Variants in BMPR2 observed in about 807,000 individuals in gnomAD.
BMPR2 encodes bone morphogenetic protein receptor type 2.
Under a neutral mutation model 100.8 loss-of-function variants are expected in BMPR2, and 29 were observed. That is an observed-to-expected ratio of 0.29 (90% confidence interval 0.21 to 0.39). The LOEUF is 0.39. BMPR2 is among the 10% of genes least tolerant of loss of function. BMPR2 has a pLI of 1.00. For missense variants in BMPR2, 1,011 were observed against 1,274.5 expected, an observed-to-expected ratio of 0.79 and a Z score of 3.15; for synonymous variants, 382 against 442.3, an observed-to-expected ratio of 0.86 and a Z score of 1.71.
chr2:202,437,683 A>G (rs1026409365), intron 1 of BMPR2, among the ~76,000 whole-genome samples: 1 of 150,586 alleles, frequency 6.6e-6, no homozygotes, highest in Admixed American at 6.6e-5. Context: ...TGCCTGTTCT[A>G]GACATATCCT....
intron 1 of BMPR2, among the ~76,000 whole-genome samples, chr2:202,454,580 T>C (rs1455182508): frequency 1.3e-5 from 2 of 152,188 alleles, no homozygotes; most frequent in African/African-American, 4.8e-5. Context: ...ACTTGTTACG[T>C]TATTGAGCAC....
chr2:202,378,879 A>G (rs976187017), intron 1 of BMPR2, among the ~76,000 whole-genome samples: 4 of 152,218 alleles, frequency 2.6e-5, no homozygotes, highest in Non-Finnish European at 5.9e-5. Flanking sequence ...TAAACGTTCC[A>G]TGAGCAGAAA....
At chr2:202,496,140 T>C (rs1033303963) in intron 3 of BMPR2, among the ~76,000 whole-genome samples, 2 of 152,214 alleles carry the variant, frequency 1.3e-5, no homozygotes, top group Non-Finnish European at 2.9e-5. Flanking sequence ...AATTTACTTA[T>C]TTTCCAAAAA....
chr2:202,464,770 A>T, intron 1 of BMPR2, 39 bp from the exon 2 acceptor site: 1 of 1,569,160 alleles, frequency 6.4e-7, no homozygotes, highest in South Asian at 1.2e-5. Flanking sequence ...TTTTGAAAAC[A>T]TTAAATAATT....
chr2:202,434,908 A>AAAAAAAAATATAAATATATATAT (rs1559037398), intron 1 of BMPR2, among the ~76,000 whole-genome samples: 1 of 38,414 alleles, frequency 2.6e-5, no homozygotes, highest in Non-Finnish European at 4.4e-5. Context: ...AAAAAAAAAA[A>AAAAAAAAATATAAATATATATAT]ATATATATAT....
At chr2:202,395,379 A>G (rs1406082956) in intron 1 of BMPR2, among the ~76,000 whole-genome samples, 4 of 152,208 alleles carry the variant, frequency 2.6e-5, no homozygotes, top group Non-Finnish European at 5.9e-5. Flanking sequence ...AAAGATTACT[A>G]TTCTTGATCA....
In BMPR2 at chr2:202,556,301, A is replaced by G. The variant is rs1688570489; in HGVS notation, c.2636A>G (p.His879Arg). 1 of 1,614,126 alleles carries G rather than the reference A, an allele frequency of 6.2e-7. No homozygotes were observed. The highest frequency in any genetic ancestry group is 8.5e-7 in the Non-Finnish European group (1 of 1,180,046). The stretch of plus-strand genomic sequence containing the variant: ...CTGAGACGAGAGCAACAAGCTGGCC[A>G]TGATGAAGGTGTTCTGGATCGTCTT... Reference protein sequence around the residue: ...PLLRREQQAGHDEGVLDRLVD... With the variant: ...PLLRREQQAGRDEGVLDRLVD... The change falls in exon 12 of 13, where the codon CAT becomes CGT. Residue 879 changes from histidine to arginine, a missense_variant. Physicochemically the swap from His to Arg is conservative, Grantham distance 29. Around this residue, in one of 6 missense-constraint regions of BMPR2, gnomAD observed 508 missense variants for 552.0 expected, o/e 0.92. Coordinates refer to ENST00000374580, the MANE Select transcript of BMPR2 (RefSeq NM_001204.7).
At chr2:202,388,614 C>G (rs919263090) in intron 1 of BMPR2, among the ~76,000 whole-genome samples, 1 of 151,528 alleles carries the variant, frequency 6.6e-6, no homozygotes, top group African/African-American at 2.4e-5. Context: ...GAAACCCCGT[C>G]TCTACAACAA....
At chr2:202,498,262 A>C (rs1241835887) in intron 3 of BMPR2, among the ~76,000 whole-genome samples, 1 of 152,190 alleles carries the variant, frequency 6.6e-6, no homozygotes, top group African/African-American at 2.4e-5. Context: ...GAGGACAGGC[A>C]AGGGTGCAGG....
At chr2:202,543,431 AT>A (rs1364773134) in intron 10 of BMPR2, among the ~76,000 whole-genome samples, 2 of 151,280 alleles carry the variant, frequency 1.3e-5, no homozygotes, top group African/African-American at 2.4e-5. Context: ...TCTGAAGTTT[AT>A]TTTTTTACTT....
intron 7 of BMPR2, among the ~76,000 whole-genome samples, chr2:202,525,434 T>A (rs1687892042): frequency 6.6e-6 from 1 of 152,078 alleles, no homozygotes; most frequent in African/African-American, 2.4e-5. Context: ...TGACCTCAGG[T>A]GAGCCGCCCA....
intron 3 of BMPR2, among the ~76,000 whole-genome samples, chr2:202,477,488 C>T (rs1692572889): frequency 2.6e-5 from 4 of 151,814 alleles, no homozygotes; most frequent in South Asian, 2.1e-4. Context: ...CTTTCATACA[C>T]AGAAAAAAAA....
chr2:202,419,809 G>A (rs1434063051), intron 1 of BMPR2, among the ~76,000 whole-genome samples: 1 of 152,040 alleles, frequency 6.6e-6, no homozygotes, highest in African/African-American at 2.4e-5. Context: ...TCTTTACAAT[G>A]CTTTTCCCCG....
chr2:202,436,537 A>G (rs757895066), intron 1 of BMPR2, among the ~76,000 whole-genome samples: 11 of 150,878 alleles, frequency 7.3e-5, no homozygotes, highest in Admixed American at 2.6e-4. Flanking sequence ...TGACAAAGAT[A>G]TCTAATTTGC....
At position 202,377,493 on chromosome 2, in the gene BMPR2, C is replaced by G; in HGVS notation, c.19C>G (p.Arg7Gly). MTSSLQRPWRVPWLPWT... is the reference protein window; with the variant it reads MTSSLQGPWRVPWLPWT... ...CCCAGGGATGACTTCCTCGCTGCAG[C>G]GGCCCTGGCGGGTGCCCTGGCTACC... The change falls in exon 1 of 13, where the codon CGG becomes GGG. Residue 7 changes from arginine to glycine, a missense_variant. Arg to Gly is a moderately radical substitution (Grantham distance 125). Coordinates refer to ENST00000374580, the MANE Select transcript of BMPR2 (RefSeq NM_001204.7). 6.2e-7 allele frequency: 1 copy of G among 1,614,266 alleles called. No individual in the cohort carries two copies. The highest frequency in any genetic ancestry group is 8.5e-7 in the Non-Finnish European group (1 of 1,180,046).
Position 202,382,045 on chromosome 2 carries a change from A to G in BMPR2, c.76+4495A>G, listed in dbSNP as rs189759603. ...ATAGATTGCTGTGCTGCTGGATATC[A>G]GTTTTTGTTTTTGTTTTTTTTTTTT... On this transcript the variant is annotated intron_variant, in intron 1 of 12. Coordinates refer to ENST00000374580, the MANE Select transcript of BMPR2 (RefSeq NM_001204.7). Among the ~76,000 whole-genome samples the G allele has an allele frequency of 4.1e-5, 6 of 145,788 alleles. No homozygotes were observed. In the Admixed American group the frequency reaches 4.1e-4, roughly 10 times the overall value.
Position 202,532,904 on chromosome 2 carries a change from TA to T in BMPR2, c.1276+173del, listed in dbSNP as rs1574494791. ...ACATTATTAGCAGCAGGATGCAAAT[TA>T]GGAATTTTTTTTTTTAGAGTACTCC... On this transcript the variant is annotated intron_variant, in intron 9 of 12. Transcript: ENST00000374580. The surrounding 1 kb of genome is among the most constrained non-coding windows in gnomAD (Gnocchi z 4.1). Among the ~76,000 whole-genome samples the T allele has an allele frequency of 6.6e-6, 1 of 152,204 alleles. No homozygotes were observed. The highest frequency in any genetic ancestry group is 2.4e-5 in the African/African-American group (1 of 41,446).
At chr2:202,429,917 G>C (rs901636706) in intron 1 of BMPR2, among the ~76,000 whole-genome samples, 2 of 152,166 alleles carry the variant, frequency 1.3e-5, no homozygotes, top group African/African-American at 2.4e-5. Flanking sequence ...GGGGATTATG[G>C]GGATTACGAT....
At chr2:202,383,866 ACTATTT>A (rs981454675) in intron 1 of BMPR2, among the ~76,000 whole-genome samples, 6 of 151,120 alleles carry the variant, frequency 4.0e-5, no homozygotes, top group African/African-American at 1.5e-4. Context: ...AAAAAAAATT[ACTATTT>A]TCAAAAGCAC....
Sources: allele counts gnomAD v4.1 joint callset (sites outside exome capture counted in the v4.1 genomes callset), GRCh38; gene constraint gnomAD v4.1.1; regional missense constraint gnomAD v4.1.1; non-coding constraint Gnocchi (gnomAD v3.1); transcripts MANE v1.5; gene names NCBI Gene and HGNC (gene_info 2026-07-23, HGNC 2026-07-21).